The following NTN1 variants were observed in gnomAD, a reference collection of about 807,000 sequenced individuals.
The protein encoded by NTN1 is netrin 1.
Under a neutral mutation model 54.2 loss-of-function variants are expected in NTN1, and 11 were observed. That is an observed-to-expected ratio of 0.20 (90% CI 0.13 to 0.34). NTN1 has a LOEUF of 0.34. Among genes scored for constraint, NTN1 ranks in the 10% least tolerant of loss-of-function variants. The probability of loss-of-function intolerance (pLI) is 1.00; values close to 1 mark genes in which losing one functional copy is unlikely to be tolerated. For synonymous variants in NTN1, 371 were observed against 382.0 expected, an observed-to-expected ratio of 0.97 and a Z score of 0.33; for missense variants, 740 against 893.1, an observed-to-expected ratio of 0.83 and a Z score of 2.18.
chr17:9,093,554 T>C (rs556478989), intron 2 of NTN1, among the ~76,000 whole-genome samples: 2 of 152,266 alleles, frequency 1.3e-5, no homozygotes, highest in Admixed American at 1.3e-4. Flanking sequence ...GTAGAGATGG[T>C]ATCTTGCTAT....
At chr17:9,131,798 C>CTT (rs945510139) in intron 2 of NTN1, among the ~76,000 whole-genome samples, 1 of 151,062 alleles carries the variant, frequency 6.6e-6, no homozygotes, top group Non-Finnish European at 1.5e-5. Flanking sequence ...GCCCTTGATG[C>CTT]TTTTTTTTAT....
chr17:9,022,862 G>A lies in NTN1; in HGVS notation c.489G>A (p.Lys163=). ...GGCCCGAGTCCATGGCCATCTACAAGTCCATGGACTACGGGCGCACGTGGG... is the reference window on the plus strand; with the variant it reads ...GGCCCGAGTCCATGGCCATCTACAAATCCATGGACTACGGGCGCACGTGGG... The part of the protein sequence containing the change: ...SPRPESMAIY[K]SMDYGRTWVP... The change falls in exon 2 of 7, where the codon AAG becomes AAA. Residue 163 remains lysine (K), a synonymous_variant. Transcript: ENST00000173229. 1 of 1,612,088 alleles carries A rather than the reference G, an allele frequency of 6.2e-7. No individual in the cohort carries two copies. The highest frequency in any genetic ancestry group is 8.5e-7 in the Non-Finnish European group (1 of 1,179,830).
chr17:9,219,160 G>T lies in NTN1; in HGVS notation c.1412-2008G>T, dbSNP rs1193473041. ...TGGCCCAGAGCGGCTGTTCCTCACAGGGAAGTGCGGCCGCGGTGCTGATGG... is the reference window on the plus strand; with the variant it reads ...TGGCCCAGAGCGGCTGTTCCTCACATGGAAGTGCGGCCGCGGTGCTGATGG... On this transcript the variant is annotated intron_variant, in intron 5 of 6. Coordinates refer to ENST00000173229, the MANE Select transcript of NTN1 (RefSeq NM_004822.3). The surrounding 1 kb of genome is among the most constrained non-coding windows in gnomAD (Gnocchi z 4.5). 6.6e-6 allele frequency among the ~76,000 whole-genome samples: 1 copy of T among 152,202 alleles called. No individual in the cohort carries two copies. The highest frequency in any genetic ancestry group is 2.4e-5 in the African/African-American group (1 of 41,446).
intron 2 of NTN1, among the ~76,000 whole-genome samples, chr17:9,057,350 C>A (rs1208401272): frequency 2.0e-5 from 3 of 152,092 alleles, no homozygotes; most frequent in Non-Finnish European, 2.9e-5. Flanking sequence ...ATCACTTAAT[C>A]CTCAATTTTA....
chr17:9,073,865 C>T (rs139018095), intron 2 of NTN1, among the ~76,000 whole-genome samples: 6 of 152,184 alleles, frequency 3.9e-5, no homozygotes, highest in African/African-American at 9.7e-5. Context: ...GGCCCTCTTT[C>T]GCGCAGTGAG....
intron 2 of NTN1, among the ~76,000 whole-genome samples, chr17:9,107,011 G>A (rs1027636415): frequency 3.3e-5 from 5 of 152,122 alleles, no homozygotes; most frequent in African/African-American, 1.2e-4. Flanking sequence ...GAAAGATAAT[G>A]TACTCGTGGT....
intron 2 of NTN1, among the ~76,000 whole-genome samples, chr17:9,039,746 C>T (rs9911652): frequency 0.17 from 25,277 of 152,002 alleles, 2,313 homozygotes; most frequent in Admixed American, 0.26. Context: ...TCATACGGTA[C>T]GTGTGGTCTG....
rs996455345 is a variant in NTN1, at chr17:9,135,935, T to C, written c.1019-26878T>C. ...CACTGCCACCCCAAACGTGTCTGTGTGCGCACGCTCACTCATACATGTGTG... is the reference window on the plus strand; with the variant it reads ...CACTGCCACCCCAAACGTGTCTGTGCGCGCACGCTCACTCATACATGTGTG... On this transcript the variant is annotated intron_variant, in intron 2 of 6. Coordinates refer to ENST00000173229, the MANE Select transcript of NTN1 (RefSeq NM_004822.3). The surrounding 1 kb of genome is among the most constrained non-coding windows in gnomAD (Gnocchi z 4.4). Among the ~76,000 whole-genome samples the C allele has an allele frequency of 6.6e-6, 1 of 152,208 alleles. No individual in the cohort carries two copies. The highest frequency in any genetic ancestry group is 1.5e-5 in the Non-Finnish European group (1 of 68,036).
Position 9,147,141 on chromosome 17 carries a change from C to G in NTN1, c.1019-15672C>G, listed in dbSNP as rs2092315933. 2.0e-5 allele frequency among the ~76,000 whole-genome samples: 3 copies of G among 152,318 alleles called. No individual in the cohort carries two copies. The South Asian group carries it at 6.2e-4, about 32-fold the overall frequency. ...TCATTGCAGAAGGACAATTTGGATT[C>G]TTCCCGCATTTGCCCACAGGGAAGC... On this transcript the variant is annotated intron_variant, in intron 2 of 6. Coordinates refer to ENST00000173229, the MANE Select transcript of NTN1 (RefSeq NM_004822.3).
intron 2 of NTN1, among the ~76,000 whole-genome samples, chr17:9,072,210 C>T (rs531892956): frequency 6.6e-6 from 1 of 151,988 alleles, no homozygotes; most frequent in East Asian, 1.9e-4. Flanking sequence ...TTCACACCAG[C>T]CCCCTCCCGG....
At chr17:9,027,718 T>G (rs1487400373) in intron 2 of NTN1, among the ~76,000 whole-genome samples, 3 of 152,182 alleles carry the variant, frequency 2.0e-5, no homozygotes, top group Non-Finnish European at 4.4e-5. Context: ...ATAAGAAGTT[T>G]TCTTTTATCT....
chr17:9,241,081 C>G lies in NTN1; in HGVS notation c.*1113C>G, dbSNP rs1021229442. ...CTGCAGGCTGCGAAGGCACTTGGGC[C>G]TGGCTTGGGGCCGGGGGCTTGTTTG... On this transcript the variant is annotated 3_prime_UTR_variant, in exon 7 of 7. Coordinates refer to ENST00000173229, the MANE Select transcript of NTN1 (RefSeq NM_004822.3). 1.3e-5 allele frequency: 2 copies of G among 152,392 alleles called. No individual in the cohort carries two copies. The highest frequency in any genetic ancestry group is 2.9e-5 in the Non-Finnish European group (2 of 68,242). The allele number at this position is 152,392 out of a possible 1,614,324, so 9.4% of individuals were successfully genotyped here. A position where few individuals can be genotyped will look rare whatever the true frequency, so the allele number is the denominator to read the frequency against.
intron 2 of NTN1, among the ~76,000 whole-genome samples, chr17:9,037,840 T>C (rs1431085073): frequency 6.6e-6 from 1 of 152,212 alleles, no homozygotes; most frequent in Non-Finnish European, 1.5e-5. Flanking sequence ...CTCCCTGGTC[T>C]CTTCTTAACA....
At position 9,239,766 on chromosome 17, in the gene NTN1, G is replaced by T. The variant is rs771578807; in HGVS notation, c.1613G>T (p.Arg538Leu). ...IRRGDQSLWIRSRDIACKCPK... is the reference protein window; with the variant it reads ...IRRGDQSLWILSRDIACKCPK... ...CGCGGTGACCAGAGCCTGTGGATCC[G>T]CTCGCGGGACATCGCCTGCAAGTGT... Residue 538 changes from arginine (R) to leucine (L), a missense_variant, in exon 7 of 7, where the codon CGC becomes CTC. Physicochemically the swap from Arg to Leu is moderately radical, Grantham distance 102. Transcript: ENST00000173229. The surrounding 1 kb of genome is among the most constrained non-coding windows in gnomAD (Gnocchi z 5.2). 6.2e-7 allele frequency: 1 copy of T among 1,613,672 alleles called. No individual in the cohort carries two copies. The highest frequency in any genetic ancestry group is 8.5e-7 in the Non-Finnish European group (1 of 1,180,034).
intron 2 of NTN1, among the ~76,000 whole-genome samples, chr17:9,144,314 G>A (rs1371611149): frequency 2.0e-5 from 3 of 152,096 alleles, no homozygotes; most frequent in East Asian, 3.9e-4. Flanking sequence ...CTGCTGTCAG[G>A]AGTGATCATC....
rs538228039 is a variant in NTN1 at position 9,221,104 on chromosome 17, C to T, written c.1412-64C>T. On this transcript the variant is annotated intron_variant, in intron 5 of 6. Transcript: ENST00000173229. This position sits in a 1 kb window ranked among gnomAD's most constrained non-coding sequence, Gnocchi z 4.5. ...TAGGGAGGCGGCCTCCTACTCTGCCCGCCAGCCTATTCATCGCCAGCCTAA... is the reference window on the plus strand; with the variant it reads ...TAGGGAGGCGGCCTCCTACTCTGCCTGCCAGCCTATTCATCGCCAGCCTAA... 361 of 1,202,058 alleles carry T rather than the reference C, an allele frequency of 3.0e-4. 1 individual carries two copies. Among genetic ancestry groups the T allele is most frequent in the East Asian group, 1.6e-4 (7 of 43,040 alleles). 74.5% of individuals were successfully genotyped at this position (1,202,058 alleles called of 1,614,324 possible).
At chr17:9,041,862 A>G (rs952498073) in intron 2 of NTN1, among the ~76,000 whole-genome samples, 13 of 152,100 alleles carry the variant, frequency 8.5e-5, no homozygotes, top group Non-Finnish European at 1.9e-4. Flanking sequence ...TATAAAAATT[A>G]GCCAGGTGTG....
chr17:9,097,711 A>G (rs2142239175), intron 2 of NTN1, among the ~76,000 whole-genome samples: 1 of 152,350 alleles, frequency 6.6e-6, no homozygotes, highest in South Asian at 2.1e-4. Context: ...CTGTACCAGA[A>G]CACAAATAGA....
intron 5 of NTN1, among the ~76,000 whole-genome samples, chr17:9,204,286 CTCTT>C (rs1331728050): frequency 9.9e-5 from 14 of 141,930 alleles, no homozygotes; most frequent in South Asian, 2.3e-4. Flanking sequence ...CTTTCTCTAT[CTCTT>C]TCTCTCTCTC....
Sources: gnomAD v4.1 joint callset for allele counts (sites outside exome capture counted in the v4.1 genomes callset) on GRCh38, gnomAD v4.1.1 for gene constraint, Gnocchi (gnomAD v3.1) non-coding constraint, MANE v1.5 for transcripts, NCBI Gene and HGNC (gene_info 2026-07-23, HGNC 2026-07-21) for gene names.